PTPRD: variants seen among roughly 807,000 people sequenced by gnomAD.
PTPRD encodes receptor-type tyrosine-protein phosphatase delta.
A neutral mutation model predicts 214.5 loss-of-function variants in PTPRD; 34 were observed. That is an observed-to-expected ratio of 0.16 (90% CI 0.12 to 0.21). The LOEUF is 0.21. PTPRD is among the 10% of genes least tolerant of loss of function. The probability of loss-of-function intolerance (pLI) is 1.00; values close to 1 mark genes in which losing one functional copy is unlikely to be tolerated. For synonymous variants in PTPRD, 1,128 were observed against 845.7 expected, an observed-to-expected ratio of 1.33 and a Z score of -5.79; for missense variants, 2,545 against 2,398.7, an observed-to-expected ratio of 1.06 and a Z score of -1.27.
chr9:9,382,339 G>A (rs983006089), intron 9 of PTPRD, among the ~76,000 whole-genome samples: 1 of 151,906 alleles, frequency 6.6e-6, no homozygotes, highest in African/African-American at 2.4e-5. Context: ...CAAAAGCAGA[G>A]GCAACAAAGC....
chr9:8,333,322 C>G (rs1843299335), intron 43 of PTPRD, among the ~76,000 whole-genome samples: 1 of 152,130 alleles, frequency 6.6e-6, no homozygotes. Context: ...ACCACAGTTG[C>G]TTTCAATAGC....
At chr9:8,334,118 T>C (rs7850069) in intron 43 of PTPRD, among the ~76,000 whole-genome samples, 85,011 of 151,748 alleles carry the variant, frequency 0.56, 24,598 homozygotes, top group Non-Finnish European at 0.64. Context: ...CTGTCAATAT[T>C]AGATCAATGA....
At chr9:10,556,969 A>T (rs1195017647) in intron 2 of PTPRD, among the ~76,000 whole-genome samples, 2 of 152,158 alleles carry the variant, frequency 1.3e-5, no homozygotes, top group Non-Finnish European at 2.9e-5. Context: ...AATAGCAGAC[A>T]TCCTATGAAA....
At chr9:8,648,818 A>G (rs1373972189) in intron 12 of PTPRD, among the ~76,000 whole-genome samples, 1 of 152,236 alleles carries the variant, frequency 6.6e-6, no homozygotes, top group Non-Finnish European at 1.5e-5. Context: ...TTGACCAAAA[A>G]GAACCTCTAC....
intron 31 of PTPRD, among the ~76,000 whole-genome samples, chr9:8,467,466 C>T (rs773598169): frequency 1.1e-4 from 16 of 151,794 alleles, no homozygotes; most frequent in South Asian, 6.2e-4. Context: ...ATTTACTCCT[C>T]GTAATAACCC....
At position 10,213,588 on chromosome 9, in the gene PTPRD, G is replaced by A. The variant is rs865796174; in HGVS notation, c.-545+127375C>T. Among the ~76,000 whole-genome samples, 31 of 152,220 alleles carry A rather than the reference G, an allele frequency of 2.0e-4. 1 individual carries two copies. The Middle Eastern group carries it at 0.01, about 50-fold the overall frequency. On this transcript the variant is annotated intron_variant, in intron 3 of 45. Coordinates refer to ENST00000381196, the MANE Select transcript of PTPRD (RefSeq NM_002839.4). ...CATTACGTTAAACCACTAAAGTGTT[G>A]GAGGTTATTCACTAAACCAGTTTGC...
intron 10 of PTPRD, among the ~76,000 whole-genome samples, chr9:9,026,376 G>C (rs1363334858): frequency 6.6e-6 from 1 of 151,908 alleles, no homozygotes; most frequent in Non-Finnish European, 1.5e-5. Flanking sequence ...GTAAGGCTTT[G>C]TAAGTCATGG....
chr9:9,732,139 C>G (rs868863540), intron 7 of PTPRD, among the ~76,000 whole-genome samples: 3 of 152,036 alleles, frequency 2.0e-5, no homozygotes, highest in African/African-American at 7.2e-5. Flanking sequence ...AGCAGACACA[C>G]TGATCATGCT....
At position 9,039,913 on chromosome 9, in the gene PTPRD, T is replaced by A. The variant is rs897605171; in HGVS notation, c.-142-21178A>T. Reference sequence around the variant, plus strand: ...TGTTGACTGTGGTGCCTACCCCCAATGTATTGTCACCTGGGCCTGTTTGGA... The same window carrying A: ...TGTTGACTGTGGTGCCTACCCCCAAAGTATTGTCACCTGGGCCTGTTTGGA... On this transcript the variant is annotated intron_variant, in intron 10 of 45. Transcript: ENST00000381196. Among the ~76,000 whole-genome samples, 9 of 152,118 alleles carry A rather than the reference T, an allele frequency of 5.9e-5. No individual in the cohort carries two copies. In the South Asian group the frequency reaches 1.9e-3, roughly 32 times the overall value.
chr9:8,618,866 TTGTGTGTGTGTG>T (rs371767469), intron 14 of PTPRD, among the ~76,000 whole-genome samples: 15 of 130,966 alleles, frequency 1.1e-4, no homozygotes, highest in Middle Eastern at 4.1e-3. Flanking sequence ...CCAGCTAATT[TTGTGTGTGTGTG>T]TGTGTGTGTG....
At chr9:10,275,714 A>G (rs2094644229) in intron 3 of PTPRD, among the ~76,000 whole-genome samples, 1 of 152,180 alleles carries the variant, frequency 6.6e-6, no homozygotes, top group Admixed American at 6.5e-5. Flanking sequence ...GAATTGCAGG[A>G]GAGAATTCTT....
At chr9:10,467,356 G>C (rs2099001640) in intron 2 of PTPRD, among the ~76,000 whole-genome samples, 3 of 152,070 alleles carry the variant, frequency 2.0e-5, no homozygotes, top group African/African-American at 7.2e-5. Context: ...CAATTAAGTT[G>C]TTTTCCTATC....
At chr9:8,931,552 C>G (rs2098952688) in intron 11 of PTPRD, among the ~76,000 whole-genome samples, 3 of 152,132 alleles carry the variant, frequency 2.0e-5, no homozygotes, top group African/African-American at 7.2e-5. Flanking sequence ...TTACCTTGGG[C>G]AGTATGGCCC....
At chr9:9,198,479 C>T (rs2099939953) in intron 9 of PTPRD, among the ~76,000 whole-genome samples, 1 of 152,066 alleles carries the variant, frequency 6.6e-6, no homozygotes, top group African/African-American at 2.4e-5. Context: ...AGAACTGACA[C>T]ATGCGATGTG....
intron 2 of PTPRD, among the ~76,000 whole-genome samples, chr9:10,458,282 G>C (rs1172390207): frequency 6.6e-6 from 1 of 152,020 alleles, no homozygotes; most frequent in Non-Finnish European, 1.5e-5. Context: ...GAACATTATT[G>C]CAAAAATTAC....
intron 8 of PTPRD, among the ~76,000 whole-genome samples, chr9:9,426,506 C>A (rs1029500012): frequency 1.3e-5 from 2 of 152,168 alleles, no homozygotes; most frequent in African/African-American, 4.8e-5. Flanking sequence ...ACAAAAGGAG[C>A]AGAAACTTCT....
intron 14 of PTPRD, among the ~76,000 whole-genome samples, chr9:8,548,895 T>C (rs1407487669): frequency 1.3e-5 from 2 of 151,840 alleles, no homozygotes; most frequent in African/African-American, 2.4e-5. Flanking sequence ...GGTTTCTCCA[T>C]GTTGAGGCTG....
chr9:9,422,161 C>G (rs2079060538), intron 8 of PTPRD, among the ~76,000 whole-genome samples: 1 of 151,992 alleles, frequency 6.6e-6, no homozygotes, highest in Non-Finnish European at 1.5e-5. Flanking sequence ...GTTCACTATT[C>G]ACAAATATGT....
intron 34 of PTPRD, among the ~76,000 whole-genome samples, chr9:8,443,612 G>A (rs1446320900): frequency 1.3e-5 from 2 of 152,130 alleles, no homozygotes; most frequent in South Asian, 2.1e-4. Context: ...TCTGATCATC[G>A]AGTTTTAAAT....
Sources: gnomAD v4.1 joint callset for allele counts (sites outside exome capture counted in the v4.1 genomes callset) on GRCh38, gnomAD v4.1.1 for gene constraint, MANE v1.5 for transcripts, NCBI Gene and HGNC (gene_info 2026-07-23, HGNC 2026-07-21) for gene names.